IDNK: variants seen among roughly 807,000 people sequenced by gnomAD.
The protein encoded by IDNK is gluconokinase.
Under a neutral mutation model 13.0 loss-of-function variants are expected in IDNK, and 9 were observed. The ratio of observed to expected loss-of-function variants is 0.69; its 90% CI spans 0.42 to 1.21. The LOEUF is 1.21. IDNK is among the 50% of genes most tolerant of loss of function. The pLI is 0.00. For synonymous variants in IDNK, 92 were observed against 94.9 expected, an observed-to-expected ratio of 0.97 and a Z score of 0.18; for missense variants, 210 against 237.8, an observed-to-expected ratio of 0.88 and a Z score of 0.77.
At chr9:83,627,344 G>A (rs1830882270) in intron 1 of IDNK, among the ~76,000 whole-genome samples, 1 of 152,228 alleles carries the variant, frequency 6.6e-6, no homozygotes. Context: ...TAGGAAGGCT[G>A]AGGCCATGTG....
intron 1 of IDNK, chr9:83,627,164 T>TA (rs1448012829): frequency 6.6e-6 from 1 of 152,242 alleles, no homozygotes; most frequent in African/African-American, 2.4e-5. Context: ...AGGTGATATG[T>TA]AAAATTTAAG....
In IDNK at chr9:83,643,731, A is replaced by T; in HGVS notation, c.515A>T (p.Asn172Ile). ...ENFIQISVDKNVSEIIATIME... is the reference protein window; with the variant it reads ...ENFIQISVDKIVSEIIATIME... Reference sequence around the variant, plus strand: ...TTTATCCAAATAAGTGTGGACAAAAATGTTTCAGAGATAATTGCTACAATT... The same window carrying T: ...TTTATCCAAATAAGTGTGGACAAAATTGTTTCAGAGATAATTGCTACAATT... The change falls in exon 5 of 5, where the codon AAT becomes ATT. Residue 172 changes from asparagine to isoleucine, a missense_variant. Asn to Ile is a moderately radical substitution (Grantham distance 149). Transcript: ENST00000376419. 6.2e-7 allele frequency: 1 copy of T among 1,613,208 alleles called. No homozygotes were observed. The highest frequency in any genetic ancestry group is 8.5e-7 in the Non-Finnish European group (1 of 1,179,794).
At chr9:83,626,275 T>C (rs566366126) in intron 1 of IDNK, among the ~76,000 whole-genome samples, 2 of 152,328 alleles carry the variant, frequency 1.3e-5, no homozygotes, top group South Asian at 4.1e-4. Context: ...AGAGTCCAGG[T>C]GTTCTCTGGT....
At chr9:83,629,820 C>G (rs1312660256) in intron 3 of IDNK, among the ~76,000 whole-genome samples, 2 of 152,228 alleles carry the variant, frequency 1.3e-5, no homozygotes, top group African/African-American at 4.8e-5. Flanking sequence ...ATTGTACCCC[C>G]CAGGCCTGAC....
chr9:83,641,369 G>C (rs1020139672), intron 3 of IDNK, among the ~76,000 whole-genome samples, 179 bp from the exon 4 acceptor site: 1 of 152,196 alleles, frequency 6.6e-6, no homozygotes, highest in Non-Finnish European at 1.5e-5. Flanking sequence ...GACACCAGCT[G>C]AAAGAAAATG....
At chr9:83,630,669 AAT>A (rs1830985429) in intron 3 of IDNK, among the ~76,000 whole-genome samples, 1 of 152,254 alleles carries the variant, frequency 6.6e-6, no homozygotes, top group Non-Finnish European at 1.5e-5. Context: ...GAGTGTATAA[AAT>A]GTGACTGTGC....
chr9:83,627,314 A>C (rs7030634), intron 1 of IDNK, among the ~76,000 whole-genome samples: 4,392 of 152,272 alleles, frequency 0.029, 220 homozygotes, highest in African/African-American at 0.099. Flanking sequence ...ACCCCTACCT[A>C]CCCTATGTAC....
At chr9:83,623,674 A>G (rs1271500040) in intron 1 of IDNK, among the ~76,000 whole-genome samples, 2 of 152,220 alleles carry the variant, frequency 1.3e-5, no homozygotes, top group East Asian at 3.9e-4. Flanking sequence ...GCCTCCTCCT[A>G]TGAGGCCCTG....
In IDNK at chr9:83,628,939, G is replaced by A; in HGVS notation, c.148G>A (p.Gly50Ser). 2 of 1,613,834 alleles carry A rather than the reference G, an allele frequency of 1.2e-6. No homozygotes were observed. The highest frequency in any genetic ancestry group is 1.7e-6 in the Non-Finnish European group (2 of 1,179,732). ...GGAAAATCGAAGGAAGATGGGAAAAGGCATACCGCTCAATGACCAGGTAAC... is the reference window on the plus strand; with the variant it reads ...GGAAAATCGAAGGAAGATGGGAAAAAGCATACCGCTCAATGACCAGGTAAC... The part of the protein sequence containing the change: ...PEENRRKMGK[G>S]IPLNDQDRIP... Residue 50 changes from glycine (G) to serine (S), a missense_variant, in exon 3 of 5, where the codon GGC (glycine) becomes AGC (serine). Physicochemically the swap from Gly to Ser is moderately conservative, Grantham distance 56. Coordinates refer to ENST00000376419, the MANE Select transcript of IDNK (RefSeq NM_001001551.4).
At chr9:83,633,201 T>C (rs1166295534) in intron 3 of IDNK, among the ~76,000 whole-genome samples, 5 of 152,008 alleles carry the variant, frequency 3.3e-5, no homozygotes, top group Admixed American at 1.3e-4. Flanking sequence ...TAGCCGGGCG[T>C]GGTGGCAGGC....
chr9:83,635,658 CCTTTT>C (rs1831145375), intron 3 of IDNK, among the ~76,000 whole-genome samples: 2 of 152,240 alleles, frequency 1.3e-5, no homozygotes, highest in South Asian at 2.1e-4. Context: ...GCTGCCCCTT[CCTTTT>C]AACTGTTGAT....
At chr9:83,635,827 C>A (rs1210026862) in intron 3 of IDNK, among the ~76,000 whole-genome samples, 2 of 152,318 alleles carry the variant, frequency 1.3e-5, no homozygotes, top group African/African-American at 4.8e-5. Flanking sequence ...AAGGCAGATG[C>A]CTCCATTTTC....
chr9:83,624,593 G>A (rs1287919503), intron 1 of IDNK, among the ~76,000 whole-genome samples: 4 of 152,152 alleles, frequency 2.6e-5, no homozygotes, highest in Admixed American at 2.0e-4. Context: ...GGGGAGTGGC[G>A]TTTCAGCAAA....
intron 4 of IDNK, among the ~76,000 whole-genome samples, chr9:83,642,800 CCT>C (rs1253413563): frequency 3.3e-5 from 5 of 152,268 alleles, no homozygotes; most frequent in Middle Eastern, 3.4e-3. Flanking sequence ...GCTGTGTCTG[CCT>C]CTGTTTCTGG....
intron 1 of IDNK, among the ~76,000 whole-genome samples, chr9:83,626,166 A>C (rs1252977374): frequency 1.3e-5 from 2 of 152,166 alleles, no homozygotes; most frequent in Non-Finnish European, 2.9e-5. Flanking sequence ...ACTGGGAGAC[A>C]TATGGACCCC....
chr9:83,629,734 G>A (rs1830960641), intron 3 of IDNK, among the ~76,000 whole-genome samples: 1 of 152,218 alleles, frequency 6.6e-6, no homozygotes, highest in Non-Finnish European at 1.5e-5. Flanking sequence ...GATGGTCTGA[G>A]AATTTGATTA....
chr9:83,643,467 C>T lies in IDNK; in HGVS notation c.251C>T (p.Ser84Leu), dbSNP rs750443565. 5.6e-5 allele frequency: 90 copies of T among 1,613,368 alleles called. No individual in the cohort carries two copies. Among genetic ancestry groups the T allele is most frequent in the Non-Finnish European group, 1.7e-6 (2 of 1,179,852 alleles). ...GGACAGCGTGTGGTTCTAGCCTGTT[C>T]AGCCCTGAAGAAAACGTACAGAGAC... ...ASGQRVVLAC[S>L]ALKKTYRDIL... The change falls in exon 5 of 5, where the codon TCA (serine) becomes TTA (leucine). Residue 84 changes from serine to leucine, a missense_variant. Transcript: ENST00000376419.
At chr9:83,627,853 C>CAAAAA (rs149062579) in intron 1 of IDNK, among the ~76,000 whole-genome samples, 3 of 73,942 alleles carry the variant, frequency 4.1e-5, no homozygotes, top group African/African-American at 1.5e-4. Context: ...ATCCCCACCA[C>CAAAAA]AAAAAAAAAA....
intron 3 of IDNK, among the ~76,000 whole-genome samples, chr9:83,638,817 A>C (rs1564150087): frequency 6.6e-6 from 1 of 152,192 alleles, no homozygotes; most frequent in South Asian, 2.1e-4. Flanking sequence ...GCACAAAATA[A>C]AGACATTTTC....
Sources: gnomAD v4.1 joint callset for allele counts (sites outside exome capture counted in the v4.1 genomes callset) on GRCh38, gnomAD v4.1.1 for gene constraint, MANE v1.5 for transcripts, NCBI Gene and HGNC (gene_info 2026-07-23, HGNC 2026-07-21) for gene names.